Variants in KAT6B observed in about 807,000 individuals in gnomAD.
KAT6B encodes histone acetyltransferase KAT6B.
Under a neutral mutation model 187.5 loss-of-function variants are expected in KAT6B, and 10 were observed. The observed-to-expected ratio is 0.05, with a 90% CI of 0.03 to 0.09. The LOEUF (loss-of-function observed/expected upper bound fraction) is 0.09. KAT6B is among the 10% of genes least tolerant of loss of function. The pLI is 1.00. For missense variants in KAT6B, 1,952 were observed against 2,558.9 expected (o/e 0.76, Z 5.12); for synonymous variants, 861 against 926.8 (o/e 0.93, Z 1.29).
intron 13 of KAT6B, among the ~76,000 whole-genome samples, chr10:74,994,236 A>G (rs958968749): frequency 3.9e-5 from 6 of 152,118 alleles, no homozygotes; most frequent in Non-Finnish European, 5.9e-5. Flanking sequence ...ATTTTATTCT[A>G]TAGGTTATAA....
At chr10:74,847,637 C>T (rs1842199636) in intron 3 of KAT6B, among the ~76,000 whole-genome samples, 1 of 151,288 alleles carries the variant, frequency 6.6e-6, no homozygotes, top group Admixed American at 6.6e-5. Context: ...GCATTCCAGC[C>T]TGGGCAACAA....
chr10:75,022,666 C>T (rs1157763968), intron 16 of KAT6B, among the ~76,000 whole-genome samples: 4 of 152,228 alleles, frequency 2.6e-5, no homozygotes, highest in Non-Finnish European at 5.9e-5. Context: ...CGCAGTGGCT[C>T]ACGCCTGTAA....
chr10:74,840,998 T>G (rs1841706549), intron 2 of KAT6B, among the ~76,000 whole-genome samples: 1 of 152,248 alleles, frequency 6.6e-6, no homozygotes, highest in African/African-American at 2.4e-5. Context: ...TTTTGTATTT[T>G]GTTATAAAAA....
Position 75,021,237 on chromosome 10 carries a change from A to G in KAT6B, c.2973A>G (p.Leu991=). Residue 991 remains leucine, a synonymous_variant, in exon 15 of 18, where the codon TTA becomes TTG. Coordinates refer to ENST00000287239, the MANE Select transcript of KAT6B (RefSeq NM_012330.4). Reference sequence around the variant, plus strand: ...ACAGTCTGAGGTGGACCCCAATTTTAATTTCTAATGCTGCAGTGTCTGAAG... The same window carrying G: ...ACAGTCTGAGGTGGACCCCAATTTTGATTTCTAATGCTGCAGTGTCTGAAG... ...DPDSLRWTPI[L]ISNAAVSEEE... is the part of the protein sequence containing the mutation. The G allele has an allele frequency of 6.2e-7, 1 of 1,614,200 alleles. No individual in the cohort carries two copies. Among genetic ancestry groups the G allele is most frequent in the Non-Finnish European group, 8.5e-7 (1 of 1,180,024 alleles).
intron 3 of KAT6B, among the ~76,000 whole-genome samples, chr10:74,910,493 A>G (rs760376205): frequency 6.6e-6 from 1 of 152,138 alleles, no homozygotes; most frequent in Non-Finnish European, 1.5e-5. Context: ...GCTTCTAGAG[A>G]TAACTTCACT....
intron 10 of KAT6B, 87 bp downstream of exon 10, chr10:74,979,426 A>G (rs936115593): frequency 1.0e-6 from 1 of 968,834 alleles, no homozygotes; most frequent in Admixed American, 1.8e-5. Flanking sequence ...GGAATTAGGG[A>G]TGATTTTAGG....
In KAT6B at chr10:74,977,355, A is replaced by G; in HGVS notation, c.2033A>G (p.Asp678Gly). Residue 678 changes from aspartate (D) to glycine (G), a missense_variant, in exon 9 of 18, where the codon GAT becomes GGT. By Grantham distance (94) the Asp-to-Gly change is moderately conservative. Coordinates refer to ENST00000287239, the MANE Select transcript of KAT6B (RefSeq NM_012330.4). ...IKINIKQESA[D>G]VNVIGNKDVV... ...ATAAACATCAAACAAGAAAGTGCAG[A>G]TGTAAATGTGATTGGAAACAAGGAT... 6.2e-7 allele frequency: 1 copy of G among 1,613,788 alleles called. No homozygotes were observed. Among genetic ancestry groups the G allele is most frequent in the Non-Finnish European group, 8.5e-7 (1 of 1,179,744 alleles).
chr10:74,892,826 G>C (rs1845729358), intron 3 of KAT6B, among the ~76,000 whole-genome samples: 1 of 152,154 alleles, frequency 6.6e-6, no homozygotes, highest in Non-Finnish European at 1.5e-5. Flanking sequence ...AGTGTGGTGT[G>C]GCTTTCCTGG....
At chr10:74,867,377 T>C (rs1359201995) in intron 3 of KAT6B, among the ~76,000 whole-genome samples, 8 of 152,216 alleles carry the variant, frequency 5.3e-5, no homozygotes, top group Non-Finnish European at 7.3e-5. Context: ...CACTAGGACA[T>C]TTTGCCTCTT....
intron 3 of KAT6B, among the ~76,000 whole-genome samples, chr10:74,908,342 C>T (rs1459872194): frequency 6.6e-6 from 1 of 152,014 alleles, no homozygotes; most frequent in Middle Eastern, 3.2e-3. Context: ...GCGGGCAGAT[C>T]ACGAGGTCAA....
chr10:74,842,066 C>T (rs1414290501), intron 2 of KAT6B, among the ~76,000 whole-genome samples: 2 of 152,164 alleles, frequency 1.3e-5, no homozygotes, highest in Non-Finnish European at 1.5e-5. Flanking sequence ...TAGAGGGTAT[C>T]ATAGACCTCT....
At chr10:75,024,851 C>T (rs190020639) in intron 16 of KAT6B, 107 bp from the exon 17 acceptor site, 2 of 1,029,416 alleles carry the variant, frequency 1.9e-6, no homozygotes, top group East Asian at 2.6e-5. Context: ...CAGAAGTCAC[C>T]ACGTGTAAGA....
intron 7 of KAT6B, among the ~76,000 whole-genome samples, chr10:74,973,608 T>C (rs1841979641): frequency 6.6e-6 from 1 of 152,182 alleles, no homozygotes; most frequent in African/African-American, 2.4e-5. Flanking sequence ...TCTTATTTGC[T>C]CTCAGAAAAA....
chr10:74,985,635 CAGTG>C (rs1447831485), intron 12 of KAT6B, among the ~76,000 whole-genome samples: 1 of 152,168 alleles, frequency 6.6e-6, no homozygotes, highest in Admixed American at 6.5e-5. Context: ...AACAGTATCT[CAGTG>C]AGTTAGGACG....
At position 75,029,087 on chromosome 10, in the gene KAT6B, C is replaced by G. The variant is rs148928516; in HGVS notation, c.4263C>G (p.Asn1421Lys). Residue 1421 changes from asparagine (N) to lysine (K), a missense_variant, in exon 18 of 18, where the codon AAC becomes AAG. Coordinates refer to ENST00000287239, the MANE Select transcript of KAT6B (RefSeq NM_012330.4). The surrounding 1 kb of genome is among the most constrained non-coding windows in gnomAD (Gnocchi z 6.2). ...EEEEDEEPSH[N>K]EDHDADDEDD... ...AAGAGGATGAAGAGCCATCCCACAA[C>G]GAGGACCATGATGCCGATGACGAGG... 6.2e-7 allele frequency: 1 copy of G among 1,614,008 alleles called. No individual in the cohort carries two copies. The highest frequency in any genetic ancestry group is 8.5e-7 in the Non-Finnish European group (1 of 1,180,030).
At chr10:75,002,389 A>AT (rs1843902884) in intron 13 of KAT6B, among the ~76,000 whole-genome samples, 2 of 150,810 alleles carry the variant, frequency 1.3e-5, no homozygotes, top group Non-Finnish European at 3.0e-5. Flanking sequence ...AAAAAAAAAA[A>AT]CAACAACAAA....
At chr10:74,867,191 A>G (rs1223225681) in intron 3 of KAT6B, among the ~76,000 whole-genome samples, 1 of 152,186 alleles carries the variant, frequency 6.6e-6, no homozygotes, top group Non-Finnish European at 1.5e-5. Flanking sequence ...ATTCTATTTT[A>G]TGATATGCAG....
chr10:74,910,955 C>A (rs1427682132), intron 3 of KAT6B, among the ~76,000 whole-genome samples: 2 of 152,092 alleles, frequency 1.3e-5, no homozygotes, highest in African/African-American at 2.4e-5. Flanking sequence ...AGAGAAGTGT[C>A]TTCTGTATTT....
At chr10:74,963,681 T>C (rs1193445215) in intron 4 of KAT6B, among the ~76,000 whole-genome samples, 2 of 152,120 alleles carry the variant, frequency 1.3e-5, no homozygotes, top group Non-Finnish European at 1.5e-5. Context: ...TATGGACATA[T>C]AAAAATATTT....
Sources: allele counts gnomAD v4.1 joint callset (sites outside exome capture counted in the v4.1 genomes callset), GRCh38; gene constraint gnomAD v4.1.1; non-coding constraint Gnocchi (gnomAD v3.1); transcripts MANE v1.5; gene names NCBI Gene and HGNC (gene_info 2026-07-23, HGNC 2026-07-21).